PIK3C3: variants seen among roughly 807,000 people sequenced by gnomAD.
PIK3C3 encodes the protein phosphatidylinositol 3-kinase catalytic subunit type 3, also known as PI3-kinase type 3.
In PIK3C3, 95 loss-of-function variants were observed where a neutral mutation model predicts 126.1. That is an observed-to-expected ratio of 0.75 (90% CI 0.64 to 0.89). PIK3C3 has a LOEUF of 0.89. Ranked by LOEUF, PIK3C3 falls within the 40% of genes least tolerant of loss-of-function variation. PIK3C3 has a pLI of 0.00. For synonymous variants in PIK3C3, 374 were observed against 360.0 expected (o/e 1.04, Z -0.44); for missense variants, 829 against 1,063.2 (o/e 0.78, Z 3.06).
At chr18:42,037,956 G>C (rs866761697) in intron 17 of PIK3C3, 136 bp downstream of exon 17, 1 of 761,270 alleles carries the variant, frequency 1.3e-6, no homozygotes, top group East Asian at 2.5e-5. Context: ...GTCTCCACTT[G>C]ACCTTGAAAA....
chr18:42,079,971 G>C (rs1208747122), intron 24 of PIK3C3, among the ~76,000 whole-genome samples: 1 of 140,900 alleles, frequency 7.1e-6, no homozygotes, highest in African/African-American at 2.6e-5. Flanking sequence ...GTGTGTGTGT[G>C]TGTGTGTGTG....
intron 4 of PIK3C3, among the ~76,000 whole-genome samples, chr18:41,974,508 G>T (rs984280094): frequency 1.3e-5 from 2 of 152,060 alleles, no homozygotes; most frequent in African/African-American, 4.8e-5. Context: ...TAGACTTCTA[G>T]TAGGGAATGA....
chr18:42,077,918 C>T (rs890252206), intron 24 of PIK3C3, among the ~76,000 whole-genome samples: 4 of 152,156 alleles, frequency 2.6e-5, no homozygotes, highest in African/African-American at 7.2e-5. Flanking sequence ...TAGAGTAACT[C>T]CATGATCCAT....
At chr18:42,020,219 C>T (rs1253007090) in intron 12 of PIK3C3, among the ~76,000 whole-genome samples, 2 of 152,080 alleles carry the variant, frequency 1.3e-5, no homozygotes, top group African/African-American at 2.4e-5. Flanking sequence ...CCTATCTTTT[C>T]AGTCTCTTCA....
intron 13 of PIK3C3, among the ~76,000 whole-genome samples, chr18:42,024,379 A>G (rs1011914425): frequency 2.0e-5 from 3 of 152,070 alleles, no homozygotes; most frequent in African/African-American, 4.8e-5. Context: ...TGGAGATGAC[A>G]GTGTCACTTT....
chr18:42,084,546 CAG>C lies in PIK3C3; in HGVS notation c.*3411_*3412del, dbSNP rs1427760544. 1.5e-4 allele frequency: 11 copies of C among 71,224 alleles called. No homozygotes were observed. Among genetic ancestry groups the C allele is most frequent in the Non-Finnish European group, 2.5e-4 (9 of 35,882 alleles). The allele number at this position is 71,224 out of a possible 1,614,324, so 4.4% of individuals were successfully genotyped here. ...GAAAAAGAACATTAGGTAAAAATGA[CAG>C]AAATCTGAATATAGTATAGAGTAGC... On this transcript the variant is annotated 3_prime_UTR_variant, in exon 25 of 25. Transcript: ENST00000262039.
At chr18:42,004,840 C>A (rs778190211) in intron 10 of PIK3C3, among the ~76,000 whole-genome samples, 14 of 152,120 alleles carry the variant, frequency 9.2e-5, no homozygotes, top group Non-Finnish European at 2.1e-4. Flanking sequence ...AGAAGGAATT[C>A]TAGTGAAAAA....
chr18:42,036,669 C>T lies in PIK3C3; in HGVS notation c.1840-1023C>T, dbSNP rs142166555. Among the ~76,000 whole-genome samples the T allele has an allele frequency of 7.8e-3, 1,183 of 151,344 alleles. 6 individuals are homozygous for T. The highest frequency in any genetic ancestry group is 0.011 in the Non-Finnish European group (741 of 67,860). Reference sequence around the variant, plus strand: ...TTGTTGATTTAAACATATACCTAAACTAATTTAGACCTTCATATAATTAAG... The same window carrying T: ...TTGTTGATTTAAACATATACCTAAATTAATTTAGACCTTCATATAATTAAG... On this transcript the variant is annotated intron_variant, in intron 16 of 24. Transcript: ENST00000262039.
Position 42,085,955 on chromosome 18 carries a change from A to G in PIK3C3, c.*4818A>G, listed in dbSNP as rs596743. On this transcript the variant is annotated 3_prime_UTR_variant, in exon 25 of 25. Transcript: ENST00000262039. ...TATATTTGTGTGTGTGTGTGTGTGT[A>G]TGTGCGTGCACAAAAATTAGCTGAG... 4,001 of 48,502 alleles carry G rather than the reference A, an allele frequency of 0.082. 145 individuals carry two copies. Among genetic ancestry groups the G allele is most frequent in the African/African-American group, 0.39 (3,341 of 8,588 alleles). 3.0% of individuals were successfully genotyped at this position (48,502 alleles called of 1,614,324 possible).
intron 13 of PIK3C3, among the ~76,000 whole-genome samples, chr18:42,021,870 C>CA (rs915664143): frequency 1.5e-4 from 22 of 151,602 alleles, no homozygotes; most frequent in Admixed American, 3.3e-4. Context: ...ATTCAAAAAT[C>CA]AAAAAAAACT....
At chr18:42,019,927 C>T (rs931118349) in intron 12 of PIK3C3, among the ~76,000 whole-genome samples, 2 of 152,084 alleles carry the variant, frequency 1.3e-5, no homozygotes, top group Admixed American at 1.3e-4. Context: ...CCTACTTCCT[C>T]TCCACCAGCA....
chr18:42,053,077 A>T (rs1046638261), intron 21 of PIK3C3: 1 of 152,060 alleles, frequency 6.6e-6, no homozygotes, highest in Non-Finnish European at 1.5e-5. Context: ...GATATGGGGG[A>T]TGGAGCAGAA....
At chr18:42,049,337 AT>A in intron 20 of PIK3C3, 193 bp from the exon 21 acceptor site, 1 of 409,304 alleles carries the variant, frequency 2.4e-6, no homozygotes, top group Non-Finnish European at 4.3e-6. Flanking sequence ...ATTCTACAAG[AT>A]TTTCTCTTTT....
intron 7 of PIK3C3, among the ~76,000 whole-genome samples, chr18:41,994,163 G>A (rs1247381599): frequency 6.6e-6 from 1 of 152,094 alleles, no homozygotes; most frequent in Non-Finnish European, 1.5e-5. Flanking sequence ...ACGGCTGATG[G>A]CCTAATATCA....
intron 13 of PIK3C3, among the ~76,000 whole-genome samples, chr18:42,023,380 A>G (rs1239425214): frequency 1.3e-5 from 2 of 152,254 alleles, no homozygotes; most frequent in Non-Finnish European, 1.5e-5. Context: ...GAAGTTTCCA[A>G]CATAGCAGCT....
intron 3 of PIK3C3, among the ~76,000 whole-genome samples, chr18:41,969,706 T>C (rs892864070): frequency 6.6e-6 from 1 of 152,244 alleles, no homozygotes; most frequent in Non-Finnish European, 1.5e-5. Context: ...TATTGAATAC[T>C]AACTGTATGC....
intron 2 of PIK3C3, among the ~76,000 whole-genome samples, chr18:41,961,721 A>G (rs1980094699): frequency 6.6e-6 from 1 of 152,202 alleles, no homozygotes. Flanking sequence ...GGAATTTAAA[A>G]GCCAGCTCCT....
At position 42,020,618 on chromosome 18, in the gene PIK3C3, A is replaced by G; in HGVS notation, c.1417-20A>G. 6.5e-7 allele frequency: 1 copy of G among 1,534,144 alleles called. No individual in the cohort carries two copies. On this transcript the variant is annotated intron_variant, in intron 12 of 24. Coordinates refer to ENST00000262039, the MANE Select transcript of PIK3C3 (RefSeq NM_002647.4). ...ACTAGTAGATGATAATATATAATACATTTCTTTTAATTCTTTCAGCAAGAT... is the reference window on the plus strand; with the variant it reads ...ACTAGTAGATGATAATATATAATACGTTTCTTTTAATTCTTTCAGCAAGAT...
At chr18:41,957,467 T>C (rs1979839248) in intron 1 of PIK3C3, 103 bp from the exon 2 acceptor site, 5 of 1,118,494 alleles carry the variant, frequency 4.5e-6, no homozygotes, top group Admixed American at 5.9e-5. Flanking sequence ...CTTATGCATA[T>C]ATGTACATGC....
Sources: allele counts gnomAD v4.1 joint callset (sites outside exome capture counted in the v4.1 genomes callset), GRCh38; gene constraint gnomAD v4.1.1; transcripts MANE v1.5; gene names NCBI Gene and HGNC (gene_info 2026-07-23, HGNC 2026-07-21).